The following PIK3C3 variants were observed in gnomAD, a reference collection of about 807,000 sequenced individuals.
The protein encoded by PIK3C3 is PI3-kinase type 3.
PIK3C3 carries 95 observed loss-of-function variants against 126.1 expected under a neutral mutation model. That is an observed-to-expected ratio of 0.75 (90% CI 0.64 to 0.89). PIK3C3 has a LOEUF of 0.89. PIK3C3 is among the 40% of genes least tolerant of loss of function. The pLI, the probability that PIK3C3 is intolerant of heterozygous loss-of-function variation, is 0.00. For missense variants in PIK3C3, 829 were observed against 1,063.2 expected (o/e 0.78, Z 3.06); for synonymous variants, 374 against 360.0 (o/e 1.04, Z -0.44).
In PIK3C3 at chr18:42,083,741, T is replaced by G. The variant is rs1401597395; in HGVS notation, c.*2604T>G. ...TTGTCTCCTCATTTTTTAGTTGAAA[T>G]AACTGAAGTTTAAAGCAATTGAATC... is the stretch of plus-strand genomic sequence containing the variant. On this transcript the variant is annotated 3_prime_UTR_variant, in exon 25 of 25. Coordinates refer to ENST00000262039, the MANE Select transcript of PIK3C3 (RefSeq NM_002647.4). The G allele has an allele frequency of 6.6e-6, 1 of 152,196 alleles. No individual in the cohort carries two copies. The highest frequency in any genetic ancestry group is 1.9e-4 in the East Asian group (1 of 5,190). 9.4% of individuals were successfully genotyped at this position (152,196 alleles called of 1,614,324 possible). A position where few individuals can be genotyped will look rare whatever the true frequency, so the allele number is the denominator to read the frequency against.
intron 13 of PIK3C3, chr18:42,025,990 G>GTA (rs1365526069): frequency 6.6e-6 from 1 of 152,148 alleles, no homozygotes; most frequent in Non-Finnish European, 1.5e-5. Flanking sequence ...TGAATACAGA[G>GTA]TATACTCTCC....
intron 4 of PIK3C3, among the ~76,000 whole-genome samples, chr18:41,974,914 G>A (rs1454722263): frequency 6.6e-6 from 1 of 152,166 alleles, no homozygotes; most frequent in East Asian, 1.9e-4. Context: ...CTTCTCCACT[G>A]TCTCCTTTTC....
At chr18:42,047,991 T>C (rs1984630072) in intron 20 of PIK3C3, among the ~76,000 whole-genome samples, 1 of 152,208 alleles carries the variant, frequency 6.6e-6, no homozygotes, top group African/African-American at 2.4e-5. Flanking sequence ...TAAACCAGTG[T>C]GTAAATGAAT....
Position 41,955,408 on chromosome 18 carries a change from G to A in PIK3C3, c.68+49G>A, listed in dbSNP as rs1979715722. 14 of 1,497,016 alleles carry A rather than the reference G, an allele frequency of 9.4e-6. No individual in the cohort carries two copies. The East Asian group carries it at 2.5e-4, about 27-fold the overall frequency. The allele number at this position is 1,497,016 out of a possible 1,614,324, so 92.7% of individuals were successfully genotyped here. A position where few individuals can be genotyped will look rare whatever the true frequency, so the allele number is the denominator to read the frequency against. ...AGTGGGATTGCTGGGGCGTAGGGAC[G>A]TGGGGGCAGGGGCCTGTTGGGAGTG... is the stretch of plus-strand genomic sequence containing the variant. On this transcript the variant is annotated intron_variant, in intron 1 of 24. Coordinates refer to ENST00000262039, the MANE Select transcript of PIK3C3 (RefSeq NM_002647.4).
intron 9 of PIK3C3, among the ~76,000 whole-genome samples, chr18:41,998,344 A>T (rs1982126412): frequency 6.6e-6 from 1 of 152,164 alleles, no homozygotes; most frequent in African/African-American, 2.4e-5. Context: ...ATACTGTGTT[A>T]AATGAAGAAT....
At chr18:42,048,377 A>T (rs1198716712) in intron 20 of PIK3C3, among the ~76,000 whole-genome samples, 2 of 152,210 alleles carry the variant, frequency 1.3e-5, no homozygotes, top group African/African-American at 4.8e-5. Flanking sequence ...CTAACCTCCT[A>T]GCTGAGTCAG....
At chr18:42,014,102 CA>C (rs895838812) in intron 11 of PIK3C3, among the ~76,000 whole-genome samples, 6 of 144,758 alleles carry the variant, frequency 4.1e-5, no homozygotes, top group African/African-American at 1.5e-4. Context: ...GTCAGAAGTT[CA>C]AAACCAGCCT....
intron 14 of PIK3C3, 107 bp downstream of exon 14, chr18:42,027,655 T>A (rs550208823): frequency 3.4e-5 from 15 of 434,832 alleles, no homozygotes; most frequent in African/African-American, 1.9e-4. Flanking sequence ...ATATATTTAT[T>A]TTTATTTTTA....
chr18:42,028,944 C>G (rs1983695408), intron 14 of PIK3C3, among the ~76,000 whole-genome samples: 1 of 152,116 alleles, frequency 6.6e-6, no homozygotes, highest in South Asian at 2.1e-4. Context: ...ATCTTTGTTT[C>G]TGCCATATAC....
chr18:42,042,043 C>T (rs960183587), intron 19 of PIK3C3, among the ~76,000 whole-genome samples: 3 of 152,102 alleles, frequency 2.0e-5, no homozygotes, highest in African/African-American at 4.8e-5. Context: ...AAGGGTGGTT[C>T]GCTGTGCCTA....
chr18:42,054,804 T>C (rs1420153027), intron 21 of PIK3C3, among the ~76,000 whole-genome samples: 1 of 152,096 alleles, frequency 6.6e-6, no homozygotes, highest in African/African-American at 2.4e-5. Context: ...TCTCTCCTAG[T>C]GGTGCTGTGA....
At chr18:42,020,453 C>T (rs144974452) in intron 12 of PIK3C3, among the ~76,000 whole-genome samples, 185 bp from the exon 13 acceptor site, 49 of 152,240 alleles carry the variant, frequency 3.2e-4, no homozygotes, top group African/African-American at 1.1e-3. Flanking sequence ...GGTATTCTAA[C>T]CACTTGCATA....
intron 22 of PIK3C3, among the ~76,000 whole-genome samples, chr18:42,059,453 T>C (rs1202544250): frequency 1.3e-5 from 2 of 152,196 alleles, no homozygotes; most frequent in Non-Finnish European, 2.9e-5. Context: ...GGTCGAACCA[T>C]GGATATCTCA....
At chr18:42,020,892 C>T (rs547197235) in intron 13 of PIK3C3, among the ~76,000 whole-genome samples, 187 bp downstream of exon 13, 1 of 152,252 alleles carries the variant, frequency 6.6e-6, no homozygotes, top group African/African-American at 2.4e-5. Flanking sequence ...ATCAACATTT[C>T]TCTCCCTTTC....
intron 16 of PIK3C3, among the ~76,000 whole-genome samples, chr18:42,036,888 C>T (rs182198611): frequency 3.8e-4 from 58 of 152,162 alleles, no homozygotes; most frequent in Admixed American, 1.2e-3. Context: ...GACATGATGC[C>T]GCAAGTGGAA....
chr18:42,027,509 C>G lies in PIK3C3; in HGVS notation c.1551C>G (p.Tyr517Ter). 16 of 1,611,846 alleles carry G rather than the reference C, an allele frequency of 9.9e-6. No individual in the cohort carries two copies. Among genetic ancestry groups the G allele is most frequent in the Non-Finnish European group, 1.4e-5 (16 of 1,178,278 alleles). The change falls in exon 14 of 25, where the codon TAC (tyrosine) becomes TAG (stop). Residue 517 changes from tyrosine to a stop codon, truncating the protein, a stop_gained. Coordinates refer to ENST00000262039, the MANE Select transcript of PIK3C3 (RefSeq NM_002647.4). LOFTEE classifies it high-confidence loss of function. ...GAGATCCAAAGACCCATGAGATGTA[C>G]TTGAACGTAATGAGAAGATTCAGCC... ...QQRDPKTHEM[Y>*]LNVMRRFSQA...
At chr18:42,054,651 T>TAAAA (rs1445620826) in intron 21 of PIK3C3, among the ~76,000 whole-genome samples, 1 of 152,154 alleles carries the variant, frequency 6.6e-6, no homozygotes, top group Non-Finnish European at 1.5e-5. Flanking sequence ...AGAAACAGTC[T>TAAAA]TTCAGAGTGG....
Position 42,081,630 on chromosome 18 carries a change from A to G in PIK3C3, c.*493A>G, listed in dbSNP as rs1007099063. The G allele has an allele frequency of 1.3e-5, 2 of 154,576 alleles. No individual in the cohort carries two copies. Among genetic ancestry groups the G allele is most frequent in the Non-Finnish European group, 1.4e-5 (1 of 69,630 alleles). The allele number at this position is 154,576 out of a possible 1,614,324, so 9.6% of individuals were successfully genotyped here. ...TGTTGTTTGTTTTTGCCTAATTTACATGTTTAAAGTTCTACTTAAAATTTT... is the reference window on the plus strand; with the variant it reads ...TGTTGTTTGTTTTTGCCTAATTTACGTGTTTAAAGTTCTACTTAAAATTTT... On this transcript the variant is annotated 3_prime_UTR_variant, in exon 25 of 25. Transcript: ENST00000262039.
chr18:42,071,440 C>A (rs544529066), intron 24 of PIK3C3, among the ~76,000 whole-genome samples: 2 of 152,136 alleles, frequency 1.3e-5, no homozygotes, highest in Non-Finnish European at 1.5e-5. Context: ...TTGTTTTCAG[C>A]CTGGCTCAGT....
Sources: allele counts gnomAD v4.1 joint callset (sites outside exome capture counted in the v4.1 genomes callset), GRCh38; gene constraint gnomAD v4.1.1; transcripts MANE v1.5; gene names NCBI Gene and HGNC (gene_info 2026-07-23, HGNC 2026-07-21).